The following NCOR2 variants were observed in gnomAD, a reference collection of about 807,000 sequenced individuals.
NCOR2 encodes nuclear receptor corepressor 2.
Under a neutral mutation model 262.9 loss-of-function variants are expected in NCOR2, and 81 were observed. The ratio of observed to expected loss-of-function variants is 0.31; its 90% CI spans 0.26 to 0.37. The LOEUF (loss-of-function observed/expected upper bound fraction) is 0.37. Ranked by LOEUF, NCOR2 falls within the 10% of genes least tolerant of loss-of-function variation. NCOR2 has a pLI of 1.00. For missense variants in NCOR2, 3,385 were observed against 3,621.4 expected (o/e 0.93, Z 1.68); for synonymous variants, 1,659 against 1,559.3 (o/e 1.06, Z -1.51).
At chr12:124,480,465 T>C (rs1327279208) in intron 3 of NCOR2, among the ~76,000 whole-genome samples, 1 of 152,204 alleles carries the variant, frequency 6.6e-6, no homozygotes, top group Admixed American at 6.5e-5. Flanking sequence ...CGGCATCCTC[T>C]GTGGAAGCTG....
chr12:124,519,822 G>A (rs1455473742), intron 1 of NCOR2, among the ~76,000 whole-genome samples: 1 of 152,182 alleles, frequency 6.6e-6, no homozygotes, highest in Non-Finnish European at 1.5e-5. Flanking sequence ...CCGCGGCATA[G>A]GCAGGTATGC....
chr12:124,349,228 G>A (rs1166857794), intron 28 of NCOR2, among the ~76,000 whole-genome samples: 2 of 152,326 alleles, frequency 1.3e-5, no homozygotes, highest in Non-Finnish European at 1.5e-5. Flanking sequence ...GGCCCCCGAA[G>A]GTAAAGGCTG....
In NCOR2 at chr12:124,335,254, C is replaced by T. The variant is rs147020677; in HGVS notation, c.6292G>A (p.Ala2098Thr). The change falls in exon 40 of 47, where the codon GCC becomes ACC. Residue 2098 changes from alanine to threonine, a missense_variant. By Grantham distance (58) the Ala-to-Thr change is moderately conservative. Around this residue, in one of 5 missense-constraint regions of NCOR2, gnomAD observed 1,017 missense variants for 967.2 expected, o/e 1.05. Coordinates refer to ENST00000405201, the Ensembl canonical transcript of NCOR2. ...AGCGGCCGCAGGTGTGGGAGGTGGG[C>T]GGCCTCCCCGCCAAGCTTCACGGGG... is the stretch of plus-strand genomic sequence containing the variant. The T allele has an allele frequency of 4.9e-5, 79 of 1,605,420 alleles. No homozygotes were observed. The African/African-American group carries it at 6.7e-4, about 14-fold the overall frequency.
intron 1 of NCOR2, among the ~76,000 whole-genome samples, chr12:124,546,309 A>G (rs770190448): frequency 6.6e-6 from 1 of 152,256 alleles, no homozygotes; most frequent in Non-Finnish European, 1.5e-5. Flanking sequence ...AAATATGTAC[A>G]GCAGTTCCTG....
chr12:124,500,493 T>A (rs2048641771), intron 1 of NCOR2, among the ~76,000 whole-genome samples: 1 of 152,290 alleles, frequency 6.6e-6, no homozygotes, highest in East Asian at 1.9e-4. Flanking sequence ...GGCCGTGAGC[T>A]CTGACTGGCT....
intron 10 of NCOR2, among the ~76,000 whole-genome samples, chr12:124,428,516 C>T (rs2043725557): frequency 6.6e-6 from 1 of 152,186 alleles, no homozygotes; most frequent in Non-Finnish European, 1.5e-5. Flanking sequence ...GAAACTGCTA[C>T]TTAAACCAGC....
chr12:124,354,488 G>A (rs774389126), exon 26 of NCOR2: 10 of 1,563,426 alleles, frequency 6.4e-6, no homozygotes, highest in South Asian at 3.6e-5. Context: ...CTCTCAGCAC[G>A]GACGCCTCCT....
chr12:124,515,540 C>T (rs1362760891), intron 1 of NCOR2, among the ~76,000 whole-genome samples: 1 of 152,112 alleles, frequency 6.6e-6, no homozygotes, highest in Non-Finnish European at 1.5e-5. Flanking sequence ...CAGATTGCAG[C>T]AGTTTCCAAT....
chr12:124,516,080 C>G (rs1396613945), intron 1 of NCOR2, among the ~76,000 whole-genome samples: 3 of 152,218 alleles, frequency 2.0e-5, no homozygotes, highest in Non-Finnish European at 4.4e-5. Context: ...CTTCGGAGGC[C>G]ATTCTCGAGG....
Position 124,504,960 on chromosome 12 carries a change from T to C in NCOR2, c.-117-9592A>G, listed in dbSNP as rs1171048623. Among the ~76,000 whole-genome samples the C allele has an allele frequency of 6.6e-6, 1 of 152,214 alleles. No individual in the cohort carries two copies. The highest frequency in any genetic ancestry group is 1.9e-4 in the East Asian group (1 of 5,196). ...TTTTGGAATTAGACAGAGGTGGTGG[T>C]TGCACAACCCGTGAATGTCCTAAAT... On this transcript the variant is annotated intron_variant, in intron 1 of 46. Coordinates refer to the NCOR2 transcript ENST00000404621. The surrounding 1 kb of genome is among the most constrained non-coding windows in gnomAD (Gnocchi z 4.5).
chr12:124,495,280 C>G (rs769696881), upstream of NCOR2: 8 of 1,601,862 alleles, frequency 5.0e-6, no homozygotes, highest in Non-Finnish European at 6.8e-6. The surrounding 1 kb of genome is among the most constrained non-coding windows in gnomAD (Gnocchi z 4.4). Flanking sequence ...GGAGCTGCTC[C>G]CAGGCCCCAA....
intron 13 of NCOR2, among the ~76,000 whole-genome samples, chr12:124,416,892 C>T (rs944670325): frequency 6.6e-5 from 10 of 152,170 alleles, no homozygotes. Context: ...CAGGGAGACC[C>T]GCGGCACTGT....
At chr12:124,410,244 T>C (rs768900927) in intron 13 of NCOR2, among the ~76,000 whole-genome samples, 19 of 147,196 alleles carry the variant, frequency 1.3e-4, no homozygotes, top group Non-Finnish European at 2.2e-4. Flanking sequence ...TCCACCTCCT[T>C]CTGCCTCTCT....
chr12:124,328,154 G>C (rs2034851270), intron 44 of NCOR2, among the ~76,000 whole-genome samples: 1 of 151,542 alleles, frequency 6.6e-6, no homozygotes, highest in Non-Finnish European at 1.5e-5. Context: ...AAGGGACTGA[G>C]AGAGAGAAGG....
chr12:124,385,847 C>G, exon 17 of NCOR2: 1 of 1,613,896 alleles, frequency 6.2e-7, no homozygotes, highest in Non-Finnish European at 8.5e-7. Flanking sequence ...AGCCCACCAT[C>G]CGGGCGATGG....
chr12:124,362,687 C>T (rs562592260), intron 21 of NCOR2, among the ~76,000 whole-genome samples: 41 of 150,654 alleles, frequency 2.7e-4, no homozygotes, highest in African/African-American at 9.6e-4. Context: ...CTCCCAGAAC[C>T]TGGCCCAGCT....
At chr12:124,369,292 C>T (rs555394381) in intron 20 of NCOR2, among the ~76,000 whole-genome samples, 157 of 152,322 alleles carry the variant, frequency 1.0e-3, no homozygotes, top group Middle Eastern at 3.4e-3. Context: ...AGAGCCACCT[C>T]GAAGAAAGTG....
In NCOR2 at chr12:124,356,887, T is replaced by C. The variant is rs1026961755; in HGVS notation, c.3101-105A>G. On this transcript the variant is annotated intron_variant, in intron 22 of 46. Coordinates refer to ENST00000405201, the Ensembl canonical transcript of NCOR2. Reference sequence around the variant, plus strand: ...AATGGCCTTCCTGCACCCACAGTAGTGGTGGCCTGTGACGGCCTGGGCTCC... The same window carrying C: ...AATGGCCTTCCTGCACCCACAGTAGCGGTGGCCTGTGACGGCCTGGGCTCC... 6.0e-6 allele frequency: 8 copies of C among 1,330,052 alleles called. No individual in the cohort carries two copies. In the African/African-American group the frequency reaches 1.2e-4, roughly 21 times the overall value. The allele number at this position is 1,330,052 out of a possible 1,614,324, so 82.4% of individuals were successfully genotyped here.
exon 38 of NCOR2, chr12:124,336,976 G>T: frequency 6.6e-7 from 1 of 1,518,100 alleles, no homozygotes; most frequent in Non-Finnish European, 8.8e-7. Flanking sequence ...GCTCCAGCCC[G>T]GAGCGGGCTG....
Sources: allele counts gnomAD v4.1 joint callset (sites outside exome capture counted in the v4.1 genomes callset), GRCh38; gene constraint gnomAD v4.1.1; regional missense constraint gnomAD v4.1.1; non-coding constraint Gnocchi (gnomAD v3.1); transcripts MANE v1.5; gene names NCBI Gene and HGNC (gene_info 2026-07-23, HGNC 2026-07-21).